PLD1: variants seen among roughly 807,000 people sequenced by gnomAD.
The protein encoded by PLD1 is phospholipase D1.
In PLD1, 112 loss-of-function variants were observed where a neutral mutation model predicts 137.1. The ratio of observed to expected loss-of-function variants is 0.82; its 90% CI spans 0.70 to 0.96. The LOEUF (loss-of-function observed/expected upper bound fraction) is 0.96, where lower values mean the gene tolerates loss of function less well. Among genes scored for constraint, PLD1 ranks in the 40% least tolerant of loss-of-function variants. PLD1 has a pLI of 0.00. For missense variants in PLD1, 1,321 were observed against 1,342.0 expected, an observed-to-expected ratio of 0.98 and a Z score of 0.24; for synonymous variants, 431 against 454.7, an observed-to-expected ratio of 0.95 and a Z score of 0.66.
intron 21 of PLD1, among the ~76,000 whole-genome samples, chr3:171,655,189 G>A (rs77741702): frequency 0.034 from 5,180 of 152,166 alleles, 321 homozygotes; most frequent in African/African-American, 0.12. Context: ...AATTATACTT[G>A]TTGCTAAGAA....
intron 1 of PLD1, among the ~76,000 whole-genome samples, chr3:171,797,100 T>C (rs571801244): frequency 8.3e-4 from 127 of 152,120 alleles, no homozygotes; most frequent in African/African-American, 2.9e-3. Flanking sequence ...ACCCTTACTC[T>C]CCACCTGTGC....
At chr3:171,645,288 C>T (rs1018886294) in intron 21 of PLD1, among the ~76,000 whole-genome samples, 1 of 152,170 alleles carries the variant, frequency 6.6e-6, no homozygotes, top group African/African-American at 2.4e-5. Flanking sequence ...ACAGCATAAT[C>T]GCTTGTAGGA....
chr3:171,603,357 C>T, intron 26 of PLD1, 55 bp from the exon 27 acceptor site: 1 of 1,198,554 alleles, frequency 8.3e-7, no homozygotes, highest in Non-Finnish European at 1.2e-6. Flanking sequence ...GAGCACATGG[C>T]CTTTATGGAA....
At chr3:171,711,952 G>A (rs542100923) in intron 9 of PLD1, among the ~76,000 whole-genome samples, 2 of 152,196 alleles carry the variant, frequency 1.3e-5, no homozygotes, top group East Asian at 3.9e-4. Flanking sequence ...GGAAAACAGA[G>A]TGTTGGAGCC....
intron 16 of PLD1, among the ~76,000 whole-genome samples, chr3:171,684,694 C>G (rs1387198071): frequency 2.6e-5 from 4 of 152,182 alleles, no homozygotes; most frequent in African/African-American, 9.7e-5. Context: ...CTTCCAGGCT[C>G]CAGCAATTCT....
intron 11 of PLD1, among the ~76,000 whole-genome samples, chr3:171,703,649 T>G (rs1342689303): frequency 6.6e-6 from 1 of 152,138 alleles, no homozygotes; most frequent in Admixed American, 6.5e-5. Context: ...ATACAAAATA[T>G]TGCTGAGAAA....
chr3:171,764,873 A>AAG (rs753373306), intron 1 of PLD1, among the ~76,000 whole-genome samples: 794 of 26,134 alleles, frequency 0.03, 103 homozygotes, highest in Non-Finnish European at 0.039. Flanking sequence ...GAAAGAAAGA[A>AAG]AGAAAGAAAG....
At chr3:171,759,734 A>G (rs1434229043) in intron 1 of PLD1, among the ~76,000 whole-genome samples, 2 of 152,216 alleles carry the variant, frequency 1.3e-5, no homozygotes, top group Non-Finnish European at 2.9e-5. Flanking sequence ...AATCAAATCT[A>G]TTGCTAATTG....
chr3:171,804,421 T>C (rs942997051), intron 1 of PLD1, among the ~76,000 whole-genome samples: 13 of 152,264 alleles, frequency 8.5e-5, no homozygotes, highest in Non-Finnish European at 1.8e-4. Context: ...AATACCTATG[T>C]ATTTTGAATA....
At chr3:171,693,538 C>A (rs56188235) in intron 12 of PLD1, among the ~76,000 whole-genome samples, 2,721 of 152,064 alleles carry the variant, frequency 0.018, 77 homozygotes, top group African/African-American at 0.059. Context: ...GCTTATTCAC[C>A]CCCACCTTGT....
Position 171,686,818 on chromosome 3 carries a change from T to G in PLD1, c.1754-20A>C. The stretch of plus-strand genomic sequence containing the variant: ...AATAACCTAGAGAAATTAAGAATTT[T>G]TTTACAAAAAAATACAAATATCAAA... On this transcript the variant is annotated intron_variant, in intron 15 of 26. Transcript: ENST00000351298. 1.6e-6 allele frequency: 2 copies of G among 1,231,378 alleles called. No individual in the cohort carries two copies. The highest frequency in any genetic ancestry group is 2.3e-6 in the Non-Finnish European group (2 of 856,622). The allele number at this position is 1,231,378 out of a possible 1,614,324, so 76.3% of individuals were successfully genotyped here. A position where few individuals can be genotyped will look rare whatever the true frequency, so the allele number is the denominator to read the frequency against.
At chr3:171,694,452 A>C (rs751083527) in intron 12 of PLD1, among the ~76,000 whole-genome samples, 8 of 152,110 alleles carry the variant, frequency 5.3e-5, no homozygotes, top group Non-Finnish European at 8.8e-5. Context: ...CCACTGATGA[A>C]GGGCTCTAAA....
At chr3:171,632,546 G>C (rs932555708) in intron 23 of PLD1, among the ~76,000 whole-genome samples, 2 of 151,858 alleles carry the variant, frequency 1.3e-5, no homozygotes, top group Non-Finnish European at 2.9e-5. Context: ...TATTTAGGGG[G>C]AAATTGGTAT....
chr3:171,705,743 G>T (rs1336644275), intron 11 of PLD1, among the ~76,000 whole-genome samples: 1 of 152,158 alleles, frequency 6.6e-6, no homozygotes, highest in East Asian at 1.9e-4. Context: ...CTCATACATT[G>T]CTGGTGAAAA....
intron 24 of PLD1, among the ~76,000 whole-genome samples, chr3:171,613,491 G>A (rs1367341755): frequency 6.6e-6 from 1 of 152,214 alleles, no homozygotes; most frequent in African/African-American, 2.4e-5. Flanking sequence ...AACTGTGAAT[G>A]TCAAAACTCA....
intron 1 of PLD1, among the ~76,000 whole-genome samples, chr3:171,772,161 A>T (rs546392227): frequency 1.3e-5 from 2 of 152,354 alleles, no homozygotes; most frequent in African/African-American, 4.8e-5. Flanking sequence ...GCTTTTTAAC[A>T]CAATGTGTTC....
At chr3:171,717,015 T>C (rs1005835573) in intron 8 of PLD1, among the ~76,000 whole-genome samples, 6 of 152,226 alleles carry the variant, frequency 3.9e-5, no homozygotes, top group African/African-American at 1.4e-4. Flanking sequence ...CAGATGGTTG[T>C]AGGTGTGCAG....
intron 23 of PLD1, among the ~76,000 whole-genome samples, chr3:171,630,732 G>A (rs1734584062): frequency 6.7e-6 from 1 of 148,212 alleles, no homozygotes; most frequent in African/African-American, 2.6e-5. Flanking sequence ...GATGAAATTG[G>A]AAATCACCAT....
At chr3:171,753,444 AG>A (rs1720801578) in intron 1 of PLD1, among the ~76,000 whole-genome samples, 3 of 152,238 alleles carry the variant, frequency 2.0e-5, no homozygotes, top group African/African-American at 7.2e-5. Context: ...GCCGCTTTGC[AG>A]GGCTTCTTAA....
Sources: allele counts gnomAD v4.1 joint callset (sites outside exome capture counted in the v4.1 genomes callset), GRCh38; gene constraint gnomAD v4.1.1; transcripts MANE v1.5; gene names NCBI Gene and HGNC (gene_info 2026-07-23, HGNC 2026-07-21).